LONP1: variants seen among roughly 807,000 people sequenced by gnomAD.
The protein encoded by LONP1 is lon peptidase 1, mitochondrial.
LONP1 carries 31 observed loss-of-function variants against 98.5 expected under a neutral mutation model. The observed-to-expected ratio is 0.31, with a 90% CI of 0.24 to 0.42. The LOEUF is 0.42. Ranked by LOEUF, LONP1 falls within the 20% of genes least tolerant of loss-of-function variation. LONP1 has a pLI of 1.00. For synonymous variants in LONP1, 781 were observed against 594.7 expected (o/e 1.31, Z -4.56); for missense variants, 1,336 against 1,350.6 (o/e 0.99, Z 0.17).
At chr19:5,695,735 A>G (rs1472234486) in intron 13 of LONP1, among the ~76,000 whole-genome samples, 1 of 152,192 alleles carries the variant, frequency 6.6e-6, no homozygotes. Flanking sequence ...TCCGGCTGCC[A>G]GAAACCTTCC....
chr19:5,702,498 G>A (rs1440376392), intron 8 of LONP1, among the ~76,000 whole-genome samples: 4 of 151,846 alleles, frequency 2.6e-5, no homozygotes, highest in Admixed American at 6.6e-5. Flanking sequence ...TCAGCCCCCC[G>A]CCCGGCCAGC....
At chr19:5,701,225 C>A (rs529434367) in intron 8 of LONP1, among the ~76,000 whole-genome samples, 1 of 152,330 alleles carries the variant, frequency 6.6e-6, no homozygotes, top group East Asian at 1.9e-4. Flanking sequence ...GCAGGCGGAT[C>A]ACAAGGTCAG....
At chr19:5,700,727 A>C in intron 9 of LONP1, 62 bp downstream of exon 9, 2 of 1,599,990 alleles carry the variant, frequency 1.3e-6, no homozygotes, top group Admixed American at 1.7e-5. Flanking sequence ...CCCACAGCAC[A>C]CAAGAGTCCT....
In LONP1 at chr19:5,720,075, G is replaced by T. The variant is rs757899954; in HGVS notation, c.58C>A (p.Arg20=). 1.2e-5 allele frequency: 18 copies of T among 1,504,850 alleles called. No homozygotes were observed. The highest frequency in any genetic ancestry group is 1.6e-5 in the Non-Finnish European group (18 of 1,130,220). The allele number at this position is 1,504,850 out of a possible 1,614,324, so 93.2% of individuals were successfully genotyped here. Residue 20 remains arginine (R), a synonymous_variant, in exon 1 of 18, where the codon CGG becomes AGG. Coordinates refer to ENST00000360614, the MANE Select transcript of LONP1 (RefSeq NM_004793.4). ...LWGAARCWVL[R]RPMLAAAGGR... is the part of the protein sequence containing the mutation. The stretch of plus-strand genomic sequence containing the variant: ...CCGGCGGCGGCCAGCATCGGCCGCC[G>T]CAGCACCCAGCACCGCGCCGCTCCC...
At chr19:5,698,264 G>A (rs1028143339) in intron 10 of LONP1, among the ~76,000 whole-genome samples, 1 of 152,136 alleles carries the variant, frequency 6.6e-6, no homozygotes, top group Non-Finnish European at 1.5e-5. Context: ...TCGGGAGCTG[G>A]GGATGTTTTT....
At chr19:5,711,515 G>T (rs1424133257) in intron 4 of LONP1, among the ~76,000 whole-genome samples, 1 of 152,218 alleles carries the variant, frequency 6.6e-6, no homozygotes, top group African/African-American at 2.4e-5. Context: ...GCTGGACCTG[G>T]GTTCCAACCC....
chr19:5,701,786 C>T (rs1007677544), intron 8 of LONP1, among the ~76,000 whole-genome samples: 1 of 151,910 alleles, frequency 6.6e-6, no homozygotes, highest in Non-Finnish European at 1.5e-5. Context: ...CTCTGCCTGG[C>T]CGCCCATCGT....
Position 5,692,100 on chromosome 19 carries a change from G to A in LONP1, c.2812C>T (p.His938Tyr), listed in dbSNP as rs766783227. ...TEGLEVHFVEHYREIFDIAFP... is the reference protein window; with the variant it reads ...TEGLEVHFVEYYREIFDIAFP... ...GCGATGTCGAAGATCTCCCGGTAGT[G>A]TTCCACGAAGTGCACCTCCAGGCCC... Residue 938 changes from histidine (H) to tyrosine (Y), a missense_variant, in exon 18 of 18, where the codon CAC becomes TAC. By Grantham distance (83) the His-to-Tyr change is moderately conservative (BLOSUM62 2). This residue lies in a region of LONP1 where 555 missense variants were observed against 542.6 expected (regional missense o/e 1.02). Coordinates refer to ENST00000360614, the MANE Select transcript of LONP1 (RefSeq NM_004793.4). 48 of 1,614,178 alleles carry A rather than the reference G, an allele frequency of 3.0e-5. No individual in the cohort carries two copies. Among genetic ancestry groups the A allele is most frequent in the Middle Eastern group, 1.7e-4 (1 of 6,060 alleles).
chr19:5,710,277 C>T lies in LONP1; in HGVS notation c.870+1494G>A, dbSNP rs372645385. On this transcript the variant is annotated intron_variant, in intron 4 of 17. Transcript: ENST00000360614. Reference sequence around the variant, plus strand: ...TTTTTTTTTGTATTTTTAGTAGACACGGGGTTTCTCCATGTTGGTCAGGCT... The same window carrying T: ...TTTTTTTTTGTATTTTTAGTAGACATGGGGTTTCTCCATGTTGGTCAGGCT... Among the ~76,000 whole-genome samples, 49 of 151,912 alleles carry T rather than the reference C, an allele frequency of 3.2e-4. 1 individual carries two copies. In the South Asian group the frequency reaches 8.3e-3, roughly 26 times the overall value.
At chr19:5,715,333 CTT>C (rs554066832) in intron 1 of LONP1, among the ~76,000 whole-genome samples, 13 of 138,180 alleles carry the variant, frequency 9.4e-5, no homozygotes, top group African/African-American at 1.3e-4. Flanking sequence ...TGATAACTTC[CTT>C]TTTTTTTTTT....
chr19:5,705,189 G>T (rs1208761683), intron 8 of LONP1, among the ~76,000 whole-genome samples: 1 of 151,766 alleles, frequency 6.6e-6, no homozygotes, highest in East Asian at 1.9e-4. Context: ...AGGCATGGTG[G>T]CTCGCGCCTG....
At chr19:5,715,337 T>C (rs1008303232) in intron 1 of LONP1, among the ~76,000 whole-genome samples, 13 of 151,542 alleles carry the variant, frequency 8.6e-5, no homozygotes, top group Non-Finnish European at 1.8e-4. Context: ...AACTTCCTTT[T>C]TTTTTTTTTT....
rs747561131 is a variant in LONP1 at position 5,696,699 on chromosome 19, T to C, written c.1744A>G (p.Thr582Ala). 6.2e-7 allele frequency: 1 copy of C among 1,613,578 alleles called. No homozygotes were observed. The highest frequency in any genetic ancestry group is 1.7e-5 in the Admixed American group (1 of 60,002). The change falls in exon 11 of 18, where the codon ACG becomes GCG. Residue 582 changes from threonine to alanine, a missense_variant. By Grantham distance (58) the Thr-to-Ala change is moderately conservative (BLOSUM62 0). This residue lies in a region of LONP1 where 555 missense variants were observed against 542.6 expected (regional missense o/e 1.02). Coordinates refer to ENST00000360614, the MANE Select transcript of LONP1 (RefSeq NM_004793.4). ...TCGATGAGGATCAGGGGGTTCTCCGTCTTGGTCTTCTTCAAACACTGGATG... is the reference window on the plus strand; with the variant it reads ...TCGATGAGGATCAGGGGGTTCTCCGCCTTGGTCTTCTTCAAACACTGGATG... Reference protein sequence around the residue: ...KIIQCLKKTKTENPLILIDEV... With the variant: ...KIIQCLKKTKAENPLILIDEV...
chr19:5,712,173 G>A (rs2055249859), intron 3 of LONP1, 171 bp from the exon 4 acceptor site: 4 of 590,040 alleles, frequency 6.8e-6, no homozygotes, highest in East Asian at 2.8e-5. Context: ...CTTTCTCGGG[G>A]CCTCCCAACC....
In LONP1 at chr19:5,694,656, GTGATGGGCGCAGGAAAGTGGGA is replaced by G. The variant is rs1410978048; in HGVS notation, c.2154+83_2154+104del. ...GGTGTGACGGGCGCGGGGTGGTGGGGTGATGGGCGCAGGAAAGTGGGATGATGGGCATGGAAAGGTGGGGTGA... is the reference window on the plus strand; with the variant it reads ...GGTGTGACGGGCGCGGGGTGGTGGGGTGATGGGCATGGAAAGGTGGGGTGA... On this transcript the variant is annotated intron_variant, in intron 14 of 17. Coordinates refer to ENST00000360614, the MANE Select transcript of LONP1 (RefSeq NM_004793.4). The G allele has an allele frequency of 2.6e-4, 401 of 1,564,414 alleles. 2 individuals are homozygous for G. The highest frequency in any genetic ancestry group is 9.9e-4 in the African/African-American group (74 of 74,430).
intron 5 of LONP1, 89 bp from the exon 6 acceptor site, chr19:5,707,915 C>T: frequency 6.7e-7 from 1 of 1,488,234 alleles, no homozygotes; most frequent in Non-Finnish European, 9.2e-7. Context: ...CCTCAGGGTC[C>T]CTGTCCCCTG....
At chr19:5,719,342 C>A (rs1032972665) in intron 1 of LONP1, among the ~76,000 whole-genome samples, 2 of 152,324 alleles carry the variant, frequency 1.3e-5, no homozygotes, top group Middle Eastern at 3.4e-3. Flanking sequence ...GACGGCAGAG[C>A]GCCTGGGGCG....
At chr19:5,699,410 A>G (rs1289752195) in intron 9 of LONP1, among the ~76,000 whole-genome samples, 2 of 152,036 alleles carry the variant, frequency 1.3e-5, no homozygotes, top group African/African-American at 4.8e-5. Flanking sequence ...ACAATTTAAC[A>G]CCAAAGGACA....
At chr19:5,698,498 C>T (rs1244753050) in intron 10 of LONP1, among the ~76,000 whole-genome samples, 2 of 152,178 alleles carry the variant, frequency 1.3e-5, no homozygotes, top group East Asian at 1.9e-4. Context: ...CTCTGAGGGC[C>T]GTGGCCCCTG....
Sources: gnomAD v4.1 joint callset for allele counts (sites outside exome capture counted in the v4.1 genomes callset) on GRCh38, gnomAD v4.1.1 for gene constraint, gnomAD v4.1.1 regional missense constraint, MANE v1.5 for transcripts, NCBI Gene and HGNC (gene_info 2026-07-23, HGNC 2026-07-21) for gene names.